ARHGEF26: variants seen among roughly 807,000 people sequenced by gnomAD.
The protein encoded by ARHGEF26 is Rho guanine nucleotide exchange factor 26.
In ARHGEF26, 59 loss-of-function variants were observed where a neutral mutation model predicts 89.4. The observed-to-expected ratio is 0.66, with a 90% CI of 0.54 to 0.82. The LOEUF is 0.82. Among genes scored for constraint, ARHGEF26 ranks in the 40% least tolerant of loss-of-function variants. The pLI, the probability that ARHGEF26 is intolerant of heterozygous loss-of-function variation, is 0.00. For synonymous variants in ARHGEF26, 500 were observed against 428.4 expected (o/e 1.17, Z -2.06); for missense variants, 1,234 against 1,085.6 (o/e 1.14, Z -1.92).
chr3:154,179,090 G>A (rs533538835), intron 6 of ARHGEF26, among the ~76,000 whole-genome samples: 1 of 152,264 alleles, frequency 6.6e-6, no homozygotes, highest in Non-Finnish European at 1.5e-5. Context: ...AGCACTAGAT[G>A]TTTCATTATA....
chr3:154,135,197 G>A (rs1159017645), intron 4 of ARHGEF26, among the ~76,000 whole-genome samples: 14 of 152,072 alleles, frequency 9.2e-5, no homozygotes, highest in Non-Finnish European at 1.5e-5. Context: ...CTATGAATCT[G>A]CTTGGTCCTG....
At chr3:154,181,396 A>T (rs1393996275) in intron 6 of ARHGEF26, among the ~76,000 whole-genome samples, 2 of 152,158 alleles carry the variant, frequency 1.3e-5, no homozygotes, top group Non-Finnish European at 2.9e-5. Context: ...AGCCATTTAG[A>T]TTGACAGCTC....
At chr3:154,254,559 G>A (rs1718361694) in intron 13 of ARHGEF26, among the ~76,000 whole-genome samples, 161 bp from the exon 14 acceptor site, 1 of 152,166 alleles carries the variant, frequency 6.6e-6, no homozygotes, top group Admixed American at 6.5e-5. Context: ...GCCAAGCAAG[G>A]GAGTTGCTAG....
chr3:154,143,111 GT>G (rs1441057438), intron 4 of ARHGEF26, among the ~76,000 whole-genome samples: 10 of 152,150 alleles, frequency 6.6e-5, no homozygotes, highest in African/African-American at 2.4e-4. Flanking sequence ...TAGTATTTTA[GT>G]TTTTGTTATT....
chr3:154,198,399 G>C (rs1714414391), intron 9 of ARHGEF26, among the ~76,000 whole-genome samples: 1 of 151,960 alleles, frequency 6.6e-6, no homozygotes, highest in Non-Finnish European at 1.5e-5. Flanking sequence ...AAGAAAAGAA[G>C]TCATTATGTG....
At chr3:154,131,399 G>A (rs1718676353) in intron 4 of ARHGEF26, among the ~76,000 whole-genome samples, 1 of 152,186 alleles carries the variant, frequency 6.6e-6, no homozygotes, top group Non-Finnish European at 1.5e-5. Context: ...CTAACAGTTT[G>A]TAACTTCTGT....
In ARHGEF26 at chr3:154,217,034, C is replaced by G. The variant is rs565922359; in HGVS notation, c.1846-835C>G. Among the ~76,000 whole-genome samples the G allele has an allele frequency of 2.0e-5, 3 of 148,432 alleles. No individual in the cohort carries two copies. The East Asian group carries it at 6.0e-4, about 30-fold the overall frequency. ...CTTTATAGCAGCATGATTTATAGTC[C>G]TTTGGGTATATACCCAGTAATGGGA... On this transcript the variant is annotated intron_variant, in intron 9 of 14. Transcript: ENST00000465093.
intron 4 of ARHGEF26, among the ~76,000 whole-genome samples, chr3:154,136,469 G>A (rs546660810): frequency 3.3e-5 from 5 of 152,114 alleles, no homozygotes; most frequent in Non-Finnish European, 7.4e-5. Flanking sequence ...ATTGCAGGAT[G>A]AGAAAGGAAG....
intron 9 of ARHGEF26, among the ~76,000 whole-genome samples, chr3:154,201,441 G>T (rs1714628920): frequency 6.6e-6 from 1 of 152,000 alleles, no homozygotes; most frequent in African/African-American, 2.4e-5. Flanking sequence ...CTTTGCTATT[G>T]TGAATAGTGC....
intron 4 of ARHGEF26, among the ~76,000 whole-genome samples, chr3:154,146,595 T>C (rs1719721904): frequency 6.6e-6 from 1 of 152,250 alleles, no homozygotes; most frequent in African/African-American, 2.4e-5. Context: ...ATGCAAAATA[T>C]ATCAGTTATA....
chr3:154,235,810 C>T (rs910087758), intron 11 of ARHGEF26, among the ~76,000 whole-genome samples: 2 of 152,194 alleles, frequency 1.3e-5, no homozygotes, highest in African/African-American at 4.8e-5. Context: ...CCACCCTCAG[C>T]CCTTCTTCCT....
At chr3:154,146,705 C>G (rs1332086730) in intron 4 of ARHGEF26, among the ~76,000 whole-genome samples, 1 of 152,154 alleles carries the variant, frequency 6.6e-6, no homozygotes, top group Non-Finnish European at 1.5e-5. Flanking sequence ...CATTCACTAT[C>G]TTAATAAGGC....
At chr3:154,213,241 G>GTGTATATA (rs1553747909) in intron 9 of ARHGEF26, among the ~76,000 whole-genome samples, 1,715 of 145,600 alleles carry the variant, frequency 0.012, 18 homozygotes, top group Non-Finnish European at 0.017. Context: ...GTGTGTGTGT[G>GTGTATATA]TATATATATA....
chr3:154,187,194 C>T, intron 6 of ARHGEF26: 2 of 984,448 alleles, frequency 2.0e-6, no homozygotes, highest in East Asian at 1.1e-4. Context: ...CTCCTGGCCT[C>T]AGACTTATTT....
chr3:154,126,972 T>C (rs1718369152), intron 3 of ARHGEF26, among the ~76,000 whole-genome samples: 1 of 152,172 alleles, frequency 6.6e-6, no homozygotes, highest in Non-Finnish European at 1.5e-5. Flanking sequence ...AACACAATGA[T>C]ATTTGTGTAT....
intron 10 of ARHGEF26, among the ~76,000 whole-genome samples, chr3:154,222,733 G>A (rs999294634): frequency 3.3e-5 from 5 of 152,266 alleles, no homozygotes; most frequent in South Asian, 2.1e-4. Flanking sequence ...ACTATCAAGA[G>A]GATAGGGCAG....
At chr3:154,246,045 G>C (rs1409570936) in intron 12 of ARHGEF26, among the ~76,000 whole-genome samples, 2 of 152,136 alleles carry the variant, frequency 1.3e-5, no homozygotes, top group Non-Finnish European at 2.9e-5. Flanking sequence ...TAAAAATAAA[G>C]GATCATTTCA....
chr3:154,187,596 C>A, intron 6 of ARHGEF26, 89 bp from the exon 7 acceptor site: 3 of 1,159,694 alleles, frequency 2.6e-6, no homozygotes, highest in Non-Finnish European at 2.4e-6. Context: ...ATTTTCAAAC[C>A]CCGTGTAATA....
At chr3:154,216,494 T>TTTTA (rs1715743328) in intron 9 of ARHGEF26, among the ~76,000 whole-genome samples, 2 of 123,012 alleles carry the variant, frequency 1.6e-5, no homozygotes, top group Non-Finnish European at 3.4e-5. Context: ...TTTTTTTTAT[T>TTTTA]TTTTTTTATT....
Sources: allele counts gnomAD v4.1 joint callset (sites outside exome capture counted in the v4.1 genomes callset), GRCh38; gene constraint gnomAD v4.1.1; transcripts MANE v1.5; gene names NCBI Gene and HGNC (gene_info 2026-07-23, HGNC 2026-07-21).